The following ADARB1 variants were observed in gnomAD, a reference collection of about 807,000 sequenced individuals.
The protein encoded by ADARB1 is adenosine deaminase RNA specific B1.
In ADARB1, 10 loss-of-function variants were observed where a neutral mutation model predicts 52.4. That is an observed-to-expected ratio of 0.19 (90% CI 0.12 to 0.32). The LOEUF (loss-of-function observed/expected upper bound fraction) is 0.32. Among genes scored for constraint, ADARB1 ranks in the 10% least tolerant of loss-of-function variants. The probability of loss-of-function intolerance (pLI) is 1.00; values close to 1 mark genes in which losing one functional copy is unlikely to be tolerated. For synonymous variants in ADARB1, 349 were observed against 371.1 expected (o/e 0.94, Z 0.68); for missense variants, 643 against 922.3 (o/e 0.70, Z 3.92).
In ADARB1 at chr21:45,157,346, T is replaced by C. The variant is rs1347227574; in HGVS notation, c.-47-14264T>C. Among the ~76,000 whole-genome samples, 1 of 152,022 alleles carries C rather than the reference T, an allele frequency of 6.6e-6. No individual in the cohort carries two copies. The highest frequency in any genetic ancestry group is 1.5e-5 in the Non-Finnish European group (1 of 68,042). On this transcript the variant is annotated intron_variant, in intron 2 of 10. Transcript: ENST00000348831. This position sits in a 1 kb window ranked among gnomAD's most constrained non-coding sequence, Gnocchi z 4.1. ...GTTAATATTGAAAATAAAGTTTACA[T>C]CGTTGTCTTTTTTTTCCCTTTGATT...
At chr21:45,110,217 A>G (rs1022935112) in intron 1 of ADARB1, among the ~76,000 whole-genome samples, 7 of 152,224 alleles carry the variant, frequency 4.6e-5, no homozygotes, top group African/African-American at 1.7e-4. Flanking sequence ...AACCATTTTC[A>G]GTCATGCTTG....
chr21:45,203,320 C>T (rs1260278497), intron 8 of ADARB1, among the ~76,000 whole-genome samples: 1 of 152,256 alleles, frequency 6.6e-6, no homozygotes, highest in African/African-American at 2.4e-5. Context: ...CAGGGTCACC[C>T]CAGGAGCATT....
At chr21:45,105,627 C>G (rs930956851) in intron 1 of ADARB1, among the ~76,000 whole-genome samples, 4 of 152,212 alleles carry the variant, frequency 2.6e-5, no homozygotes, top group Admixed American at 1.3e-4. Context: ...ATTTTGAACA[C>G]TAAAGCTAAA....
intron 8 of ADARB1, among the ~76,000 whole-genome samples, chr21:45,193,930 T>G (rs944354013): frequency 3.3e-5 from 5 of 152,170 alleles, no homozygotes; most frequent in South Asian, 4.1e-4. Context: ...CTCAATGCAA[T>G]CCTAATCAAA....
chr21:45,196,005 G>A (rs547697437), intron 8 of ADARB1, among the ~76,000 whole-genome samples: 11 of 152,250 alleles, frequency 7.2e-5, no homozygotes, highest in Admixed American at 2.0e-4. Context: ...CAGAACCAAC[G>A]CTGAGTCTTC....
At chr21:45,104,996 G>A (rs2087183596) in intron 1 of ADARB1, among the ~76,000 whole-genome samples, 1 of 152,250 alleles carries the variant, frequency 6.6e-6, no homozygotes, top group Non-Finnish European at 1.5e-5. Flanking sequence ...GGGTTAAAGT[G>A]GAGACAAGGA....
chr21:45,211,978 G>A (rs1007988545), intron 9 of ADARB1, among the ~76,000 whole-genome samples: 6 of 151,910 alleles, frequency 3.9e-5, no homozygotes, highest in African/African-American at 1.5e-4. Flanking sequence ...TTTTTTCCTT[G>A]TTTCCTCCAT....
chr21:45,135,803 C>A (rs540693013), intron 2 of ADARB1, among the ~76,000 whole-genome samples: 207 of 152,302 alleles, frequency 1.4e-3, no homozygotes, highest in Non-Finnish European at 2.2e-3. Flanking sequence ...GTCAAGAGGG[C>A]CCTCTGTGGG....
At chr21:45,132,333 C>T (rs995545610) in intron 2 of ADARB1, 2 of 152,208 alleles carry the variant, frequency 1.3e-5, no homozygotes, top group African/African-American at 2.4e-5. Flanking sequence ...CTGTCTGAAG[C>T]TTTGTGAGGA....
Position 45,148,660 on chromosome 21 carries a change from A to G in ADARB1, c.-48+20087A>G, listed in dbSNP as rs565970488. On this transcript the variant is annotated intron_variant, in intron 2 of 10. Transcript: ENST00000348831. Reference sequence around the variant, plus strand: ...CTGGTGCTGAGTTCTGCAGCAGTCAAGAAGTAGAGCAGAGCTGAAATCCTG... The same window carrying G: ...CTGGTGCTGAGTTCTGCAGCAGTCAGGAAGTAGAGCAGAGCTGAAATCCTG... Among the ~76,000 whole-genome samples the G allele has an allele frequency of 2.0e-5, 3 of 152,320 alleles. No homozygotes were observed. In the East Asian group the frequency reaches 5.8e-4, roughly 29 times the overall value.
At position 45,182,804 on chromosome 21, in the gene ADARB1, C is replaced by G. The variant is rs747457912; in HGVS notation, c.1247+51C>G. On this transcript the variant is annotated intron_variant, in intron 6 of 10. Transcript: ENST00000348831. Reference sequence around the variant, plus strand: ...AGGAAGCTCTTTTTAAAAAATATTCCTCTATTAGAAAACATTGCAAAACCT... The same window carrying G: ...AGGAAGCTCTTTTTAAAAAATATTCGTCTATTAGAAAACATTGCAAAACCT... The G allele has an allele frequency of 6.2e-6, 9 of 1,456,400 alleles. No individual in the cohort carries two copies. In the South Asian group the frequency reaches 1.2e-4, roughly 20 times the overall value. 90.2% of individuals were successfully genotyped at this position (1,456,400 alleles called of 1,614,324 possible). A position where few individuals can be genotyped will look rare whatever the true frequency, so the allele number is the denominator to read the frequency against.
chr21:45,164,964 C>T (rs145166944), intron 2 of ADARB1, among the ~76,000 whole-genome samples: 38 of 152,290 alleles, frequency 2.5e-4, no homozygotes, highest in African/African-American at 9.1e-4. Context: ...AGGATTTACA[C>T]ATGTGCATTG....
At chr21:45,202,550 A>G (rs1555919705) in intron 8 of ADARB1, among the ~76,000 whole-genome samples, 2 of 152,036 alleles carry the variant, frequency 1.3e-5, no homozygotes, top group African/African-American at 2.4e-5. Flanking sequence ...TGAGTGACAG[A>G]GGGGGGATAT....
At chr21:45,136,636 T>C (rs1056396260) in intron 2 of ADARB1, among the ~76,000 whole-genome samples, 1 of 152,200 alleles carries the variant, frequency 6.6e-6, no homozygotes, top group African/African-American at 2.4e-5. Flanking sequence ...TGGGGACAGC[T>C]GGCGGGGGTA....
intron 2 of ADARB1, among the ~76,000 whole-genome samples, chr21:45,168,853 TTC>T (rs986101899): frequency 4.6e-5 from 7 of 152,226 alleles, no homozygotes; most frequent in Admixed American, 1.3e-4. Context: ...GTTTGATATC[TTC>T]TGTTTCTCGA....
At chr21:45,078,928 G>T (rs940937371) in intron 1 of ADARB1, among the ~76,000 whole-genome samples, 1 of 152,128 alleles carries the variant, frequency 6.6e-6, no homozygotes, top group African/African-American at 2.4e-5. Flanking sequence ...TTACAGGGGG[G>T]AATACCTAGG....
chr21:45,171,121 C>G (rs529964945), intron 2 of ADARB1, among the ~76,000 whole-genome samples: 1 of 152,308 alleles, frequency 6.6e-6, no homozygotes, highest in African/African-American at 2.4e-5. Flanking sequence ...AGTATGTGAG[C>G]GCCCTTCTGA....
chr21:45,143,640 C>T (rs533164385), intron 2 of ADARB1, among the ~76,000 whole-genome samples: 5 of 152,342 alleles, frequency 3.3e-5, no homozygotes, highest in African/African-American at 4.8e-5. Context: ...GCTGGACCTC[C>T]GTCTCCTCTC....
At chr21:45,135,953 C>G (rs1470762879) in intron 2 of ADARB1, among the ~76,000 whole-genome samples, 1 of 152,126 alleles carries the variant, frequency 6.6e-6, no homozygotes, top group African/African-American at 2.4e-5. Context: ...TTTCCAAAGA[C>G]CCTTCTAATT....
Sources: gnomAD v4.1 joint callset for allele counts (sites outside exome capture counted in the v4.1 genomes callset) on GRCh38, gnomAD v4.1.1 for gene constraint, Gnocchi (gnomAD v3.1) non-coding constraint, MANE v1.5 for transcripts, NCBI Gene and HGNC (gene_info 2026-07-23, HGNC 2026-07-21) for gene names.